LARGE1: variants seen among roughly 807,000 people sequenced by gnomAD.
LARGE1 encodes LARGE xylosyl- and glucuronyltransferase 1.
Under a neutral mutation model 87.6 loss-of-function variants are expected in LARGE1, and 43 were observed. That is an observed-to-expected ratio of 0.49 (90% CI 0.38 to 0.63). The LOEUF (loss-of-function observed/expected upper bound fraction) is 0.63. Among genes scored for constraint, LARGE1 ranks in the 30% least tolerant of loss-of-function variants. LARGE1 has a pLI of 0.00. For missense variants in LARGE1, 802 were observed against 1,000.2 expected (o/e 0.80, Z 2.67); for synonymous variants, 434 against 394.6 (o/e 1.10, Z -1.18).
chr22:33,416,273 T>C (rs570454050), intron 7 of LARGE1, among the ~76,000 whole-genome samples: 1 of 152,308 alleles, frequency 6.6e-6, no homozygotes, highest in Admixed American at 6.5e-5. Flanking sequence ...CCACCGTGTG[T>C]GCTGCTCTGG....
the LARGE1 span, among the ~76,000 whole-genome samples, chr22:33,108,037 A>G: frequency 6.6e-6 from 1 of 152,204 alleles, no homozygotes; most frequent in Non-Finnish European, 1.5e-5. Context: ...AATGTACTAT[A>G]TTATATATTC....
intron 6 of LARGE1, among the ~76,000 whole-genome samples, chr22:33,446,986 C>T (rs532879148): frequency 2.6e-5 from 4 of 152,312 alleles, no homozygotes; most frequent in African/African-American, 4.8e-5. Context: ...CTCTGCCTCC[C>T]GGATTCAAGT....
At chr22:33,101,007 G>A in the LARGE1 span, among the ~76,000 whole-genome samples, 5 of 151,986 alleles carry the variant, frequency 3.3e-5, no homozygotes, top group South Asian at 6.2e-4. Flanking sequence ...TACCACACCC[G>A]GCTAATTTTT....
chr22:33,806,636 A>G (rs1191165605), intron 1 of LARGE1, among the ~76,000 whole-genome samples: 1 of 152,196 alleles, frequency 6.6e-6, no homozygotes, highest in Admixed American at 6.5e-5. Context: ...AGCCGTGTCC[A>G]GGGCTTAGAA....
intron 6 of LARGE1, among the ~76,000 whole-genome samples, chr22:33,545,512 G>A (rs2077337599): frequency 6.6e-6 from 1 of 151,974 alleles, no homozygotes; most frequent in African/African-American, 2.4e-5. Flanking sequence ...CACGATCTCA[G>A]CTCACTGCAA....
intron 3 of LARGE1, among the ~76,000 whole-genome samples, chr22:33,643,659 C>T (rs924590470): frequency 2.0e-5 from 3 of 151,954 alleles, no homozygotes; most frequent in Non-Finnish European, 2.9e-5. Flanking sequence ...AATATATAGG[C>T]CACTAGCTAG....
At chr22:33,619,398 T>C (rs1332937537) in intron 4 of LARGE1, among the ~76,000 whole-genome samples, 4 of 151,464 alleles carry the variant, frequency 2.6e-5, no homozygotes, top group Non-Finnish European at 5.9e-5. Context: ...CTACTAAAAA[T>C]ACAAAAATTA....
the LARGE1 span, among the ~76,000 whole-genome samples, chr22:33,117,135 CTCTG>C: frequency 2.1e-3 from 317 of 152,328 alleles, 6 homozygotes; most frequent in East Asian, 0.039. Context: ...AGCAGTGATT[CTCTG>C]TCTATCAATC....
chr22:33,561,882 C>A (rs917668086), intron 6 of LARGE1, among the ~76,000 whole-genome samples: 1 of 152,178 alleles, frequency 6.6e-6, no homozygotes, highest in Non-Finnish European at 1.5e-5. Context: ...CTGAAAAAGG[C>A]TTCTTTGTAA....
the LARGE1 span, among the ~76,000 whole-genome samples, chr22:33,068,553 G>A: frequency 6.6e-6 from 1 of 152,176 alleles, no homozygotes; most frequent in Non-Finnish European, 1.5e-5. Flanking sequence ...GCTGAGGCAG[G>A]AGAATGGCGT....
At chr22:33,201,880 A>T (rs149349392) in intron 11 of LARGE1, among the ~76,000 whole-genome samples, 1 of 152,132 alleles carries the variant, frequency 6.6e-6, no homozygotes, top group East Asian at 1.9e-4. Context: ...GCTCATGCCT[A>T]TAATCCCAGC....
Position 33,808,590 on chromosome 22 carries a change from T to C in LARGE1, c.-82-47032A>G, listed in dbSNP as rs563448708. Among the ~76,000 whole-genome samples the C allele has an allele frequency of 2.4e-4, 36 of 152,334 alleles. No homozygotes were observed. The South Asian group carries it at 7.2e-3, about 31-fold the overall frequency. Reference sequence around the variant, plus strand: ...AAGCACAAGGCACCCTGCACGACGCTGGGATCGTAAAGAAGAATAAAGCCC... The same window carrying C: ...AAGCACAAGGCACCCTGCACGACGCCGGGATCGTAAAGAAGAATAAAGCCC... On this transcript the variant is annotated intron_variant, in intron 1 of 14. Transcript: ENST00000397394.
intron 1 of LARGE1, among the ~76,000 whole-genome samples, chr22:33,833,614 G>A (rs1048390439): frequency 3.3e-5 from 5 of 152,168 alleles, no homozygotes; most frequent in African/African-American, 1.2e-4. Flanking sequence ...ACCTTGTTAC[G>A]ATAGGGCTAG....
intron 7 of LARGE1, among the ~76,000 whole-genome samples, chr22:33,422,833 T>C (rs1219062860): frequency 6.6e-6 from 1 of 152,098 alleles, no homozygotes; most frequent in African/African-American, 2.4e-5. Flanking sequence ...ACCAAGGTGA[T>C]GGTGCTAAAC....
chr22:33,790,703 G>A (rs532012622), intron 1 of LARGE1, among the ~76,000 whole-genome samples: 1 of 152,252 alleles, frequency 6.6e-6, no homozygotes, highest in South Asian at 2.1e-4. Flanking sequence ...TCCGGAAGCT[G>A]ACCAAAGTTT....
rs1449024706 is a variant in LARGE1, at chr22:33,867,056, T to A, written c.-83+52939A>T. Among the ~76,000 whole-genome samples the A allele has an allele frequency of 2.0e-5, 3 of 152,210 alleles. No homozygotes were observed. In the East Asian group the frequency reaches 5.8e-4, roughly 30 times the overall value. On this transcript the variant is annotated intron_variant, in intron 1 of 14. Transcript: ENST00000397394. ...AGGTGGCATCTGACAAAAAGGGCTC[T>A]AATGAATGAATGGATGGATGGATAG...
chr22:33,626,452 A>C (rs1327233781), intron 3 of LARGE1, 126 bp from the exon 4 acceptor site: 24 of 735,192 alleles, frequency 3.3e-5, no homozygotes, highest in Non-Finnish European at 5.6e-5. Flanking sequence ...AACAAAGGAC[A>C]CTGTCTGCAG....
chr22:33,707,975 A>C (rs1035244731), intron 2 of LARGE1, among the ~76,000 whole-genome samples: 5 of 152,122 alleles, frequency 3.3e-5, no homozygotes, highest in African/African-American at 1.2e-4. Context: ...GTGCACACAC[A>C]CAGGATGGAA....
At chr22:33,746,495 AAAT>A (rs2084089086) in intron 2 of LARGE1, 1 of 152,238 alleles carries the variant, frequency 6.6e-6, no homozygotes, top group Non-Finnish European at 1.5e-5. Context: ...AAATCCAAAC[AAAT>A]AATAATAACA....
Sources: allele counts gnomAD v4.1 joint callset (sites outside exome capture counted in the v4.1 genomes callset), GRCh38; gene constraint gnomAD v4.1.1; transcripts MANE v1.5; gene names NCBI Gene and HGNC (gene_info 2026-07-23, HGNC 2026-07-21).